TRIM34: variants seen among roughly 807,000 people sequenced by gnomAD.
The protein encoded by TRIM34 is E3 ubiquitin-protein ligase TRIM34.
A neutral mutation model predicts 38.1 loss-of-function variants in TRIM34; 41 were observed. The observed-to-expected ratio is 1.08, with a 90% CI of 0.84 to 1.40. TRIM34 has a LOEUF of 1.40. Among genes scored for constraint, TRIM34 ranks in the 40% most tolerant of loss-of-function variants. The probability of loss-of-function intolerance (pLI) is 0.00; values close to 1 mark genes in which losing one functional copy is unlikely to be tolerated. For missense variants in TRIM34, 556 were observed against 571.4 expected, an observed-to-expected ratio of 0.97 and a Z score of 0.27; for synonymous variants, 200 against 202.5, an observed-to-expected ratio of 0.99 and a Z score of 0.10.
intron 4 of TRIM34, among the ~76,000 whole-genome samples, chr11:5,636,760 G>C (rs1333906294): frequency 6.6e-6 from 1 of 152,192 alleles, no homozygotes; most frequent in Non-Finnish European, 1.5e-5. Flanking sequence ...TTCACTTCTA[G>C]ATGTTAGCTT....
upstream of TRIM34, among the ~76,000 whole-genome samples, chr11:5,623,370 TA>T (rs1274988110): frequency 6.6e-6 from 1 of 151,892 alleles, no homozygotes; most frequent in Non-Finnish European, 1.5e-5. Flanking sequence ...TGTTTATTTT[TA>T]TTTTTTTATT....
intron 3 of TRIM34, 142 bp downstream of exon 3, chr11:5,634,041 G>A (rs1849606309): frequency 1.2e-6 from 1 of 853,768 alleles, no homozygotes; most frequent in East Asian, 2.8e-5. Context: ...TGTCCCTGTT[G>A]GGGGTGGAGG....
intron 4 of TRIM34, among the ~76,000 whole-genome samples, chr11:5,635,615 T>C (rs926565739): frequency 6.6e-6 from 1 of 152,288 alleles, no homozygotes; most frequent in African/African-American, 2.4e-5. Context: ...GGGAGAAAGA[T>C]GGACAAATAT....
intron 4 of TRIM34, among the ~76,000 whole-genome samples, chr11:5,637,908 C>T (rs1332168634): frequency 6.6e-6 from 1 of 152,158 alleles, no homozygotes; most frequent in Non-Finnish European, 1.5e-5. Flanking sequence ...CTACATGGTA[C>T]TCATTATTTT....
In TRIM34 at chr11:5,642,391, T is replaced by G. The variant is rs777943852; in HGVS notation, c.774-15T>G. The stretch of plus-strand genomic sequence containing the variant: ...ATGAGAGATGTGGGGGTCAAAAAAT[T>G]TTTTTCATCCCTAGGAGTGAGATCT... On this transcript the variant is annotated splice_polypyrimidine_tract_variant and intron_variant, in intron 5 of 7. Coordinates refer to ENST00000429814, the MANE Select transcript of TRIM34 (RefSeq NM_021616.6). 6.8e-6 allele frequency: 11 copies of G among 1,609,658 alleles called. No homozygotes were observed. The highest frequency in any genetic ancestry group is 4.3e-4 in the Middle Eastern group (2 of 4,656).
chr11:5,627,352 C>A (rs1291944794), intron 1 of TRIM34, among the ~76,000 whole-genome samples: 1 of 151,990 alleles, frequency 6.6e-6, no homozygotes, highest in Non-Finnish European at 1.5e-5. Flanking sequence ...CACACTCCAA[C>A]CTGGGTAACA....
Position 5,643,934 on chromosome 11 carries a change from C to A in TRIM34, c.*225C>A. 8.6e-6 allele frequency: 5 copies of A among 582,822 alleles called. No homozygotes were observed. Among genetic ancestry groups the A allele is most frequent in the Non-Finnish European group, 1.4e-5 (5 of 349,546 alleles). The allele number at this position is 582,822 out of a possible 1,614,324, so 36.1% of individuals were successfully genotyped here. A position where few individuals can be genotyped will look rare whatever the true frequency, so the allele number is the denominator to read the frequency against. On this transcript the variant is annotated 3_prime_UTR_variant, in exon 8 of 8. Coordinates refer to ENST00000429814, the MANE Select transcript of TRIM34 (RefSeq NM_021616.6). ...AGTTACCTAATCCCTCCTAAAGACA[C>A]AGCAGTATGGGTATAACATCCTTGC...
intron 1 of TRIM34, among the ~76,000 whole-genome samples, chr11:5,631,760 T>G (rs1849490691): frequency 6.6e-6 from 1 of 151,094 alleles, no homozygotes; most frequent in Non-Finnish European, 1.5e-5. Context: ...GACAGGGAAG[T>G]TTTTTTTATA....
intron 4 of TRIM34, among the ~76,000 whole-genome samples, chr11:5,635,904 T>A (rs1248881203): frequency 1.3e-5 from 2 of 152,266 alleles, no homozygotes; most frequent in Non-Finnish European, 2.9e-5. Context: ...TGGGAAGATG[T>A]GAAGAAATTG....
chr11:5,628,576 G>T (rs1398783052), intron 1 of TRIM34, among the ~76,000 whole-genome samples: 5 of 152,118 alleles, frequency 3.3e-5, no homozygotes, highest in African/African-American at 4.8e-5. Context: ...CGAGGCCTAG[G>T]TTTATCTCCA....
At chr11:5,634,941 C>G in intron 4 of TRIM34, 80 bp downstream of exon 4, 1 of 1,482,378 alleles carries the variant, frequency 6.7e-7, no homozygotes, top group Non-Finnish European at 9.0e-7. Context: ...GGTGGTGACA[C>G]TAAGGGGTTT....
chr11:5,643,137 C>G lies in TRIM34; in HGVS notation c.902-7C>G. 3 of 1,180,834 alleles carry G rather than the reference C, an allele frequency of 2.5e-6. No homozygotes were observed. Among genetic ancestry groups the G allele is most frequent in the Non-Finnish European group, 3.3e-6 (3 of 917,830 alleles). The allele number at this position is 1,180,834 out of a possible 1,614,324, so 73.1% of individuals were successfully genotyped here. ...TACATATATATATATTTTTTTTTTT[C>G]TTGCAGTGGATGTCACACTGAATTC... On this transcript the variant is annotated splice_polypyrimidine_tract_variant and splice_region_variant and intron_variant, in intron 7 of 7. Transcript: ENST00000429814.
chr11:5,623,629 C>T (rs1849081720), upstream of TRIM34, among the ~76,000 whole-genome samples: 1 of 151,798 alleles, frequency 6.6e-6, no homozygotes, highest in Admixed American at 6.6e-5. Context: ...ATCCGCCCGC[C>T]TCAACCTCCC....
chr11:5,640,590 A>G (rs752476942), intron 4 of TRIM34, among the ~76,000 whole-genome samples: 2 of 152,018 alleles, frequency 1.3e-5, no homozygotes, highest in African/African-American at 2.4e-5. Flanking sequence ...ATATTGGTCT[A>G]TGGTTTTCTT....
intron 4 of TRIM34, 27 bp downstream of exon 4, chr11:5,634,888 T>G: frequency 1.2e-6 from 2 of 1,603,974 alleles, no homozygotes; most frequent in Non-Finnish European, 1.7e-6. Flanking sequence ...AATCTGAGAT[T>G]CTGGGAACAC....
At chr11:5,634,530 C>CACACACATATATATATATAT (rs1491498839) in intron 3 of TRIM34, 101 bp from the exon 4 acceptor site, 3 of 203,886 alleles carry the variant, frequency 1.5e-5, no homozygotes, top group African/African-American at 1.0e-4. Flanking sequence ...CACACACACA[C>CACACACATATATATATATAT]ATATATATAT....
At chr11:5,620,407 T>C (rs1157817661), upstream of TRIM34, among the ~76,000 whole-genome samples, 2 of 151,414 alleles carry the variant, frequency 1.3e-5, no homozygotes, top group Non-Finnish European at 2.9e-5. Flanking sequence ...TCGAATTCCT[T>C]GGCCAGACTG....
At chr11:5,626,528 G>T (rs1295354117) in intron 1 of TRIM34, 1 of 152,164 alleles carries the variant, frequency 6.6e-6, no homozygotes, top group Non-Finnish European at 1.5e-5. Context: ...TTTTCCCACG[G>T]GCTTAAAAGG....
In TRIM34 at chr11:5,638,473, G is replaced by C. The variant is rs561200804; in HGVS notation, c.751-2694G>C. On this transcript the variant is annotated intron_variant, in intron 4 of 7. Transcript: ENST00000429814. ...TACAGAGAGCAAAACCATTTATTTG[G>C]TTGTACACCAGCTGGTGTCATGAAA... Among the ~76,000 whole-genome samples the C allele has an allele frequency of 4.0e-5, 6 of 150,784 alleles. No individual in the cohort carries two copies. In the South Asian group the frequency reaches 1.3e-3, roughly 32 times the overall value.
Sources: gnomAD v4.1 joint callset for allele counts (sites outside exome capture counted in the v4.1 genomes callset) on GRCh38, gnomAD v4.1.1 for gene constraint, MANE v1.5 for transcripts, NCBI Gene and HGNC (gene_info 2026-07-23, HGNC 2026-07-21) for gene names.